PAPPA2: variants seen among roughly 807,000 people sequenced by gnomAD.
The protein encoded by PAPPA2 is pappalysin 2, also known as pappalysin-2.
In PAPPA2, 86 loss-of-function variants were observed where a neutral mutation model predicts 176.4. The ratio of observed to expected loss-of-function variants is 0.49; its 90% CI spans 0.41 to 0.58. PAPPA2 has a LOEUF of 0.58. Among genes scored for constraint, PAPPA2 ranks in the 20% least tolerant of loss-of-function variants. The pLI, the probability that PAPPA2 is intolerant of heterozygous loss-of-function variation, is 0.00. For missense variants in PAPPA2, 2,073 were observed against 2,256.9 expected, an observed-to-expected ratio of 0.92 and a Z score of 1.65; for synonymous variants, 809 against 852.2, an observed-to-expected ratio of 0.95 and a Z score of 0.88.
chr1:176,519,614 A>G (rs1362026677), intron 1 of PAPPA2, among the ~76,000 whole-genome samples: 1 of 152,154 alleles, frequency 6.6e-6, no homozygotes, highest in Admixed American at 6.5e-5. Flanking sequence ...TTATATATGC[A>G]TTGTCCCGAG....
At chr1:176,713,236 G>A (rs938787957) in intron 12 of PAPPA2, among the ~76,000 whole-genome samples, 4 of 151,194 alleles carry the variant, frequency 2.6e-5, no homozygotes, top group Admixed American at 2.6e-4. Flanking sequence ...GCTTACTATA[G>A]CCTTGAACTC....
At chr1:176,739,371 A>G (rs562325934) in intron 12 of PAPPA2, among the ~76,000 whole-genome samples, 2 of 152,304 alleles carry the variant, frequency 1.3e-5, no homozygotes, top group East Asian at 3.9e-4. Flanking sequence ...GTAAAAAAAA[A>G]CAGTTCAGGT....
At chr1:176,572,943 A>T (rs1269104910) in intron 2 of PAPPA2, among the ~76,000 whole-genome samples, 1 of 152,234 alleles carries the variant, frequency 6.6e-6, no homozygotes, top group Non-Finnish European at 1.5e-5. Context: ...GTACCTGGTA[A>T]CAGGAACCCC....
intron 3 of PAPPA2, among the ~76,000 whole-genome samples, chr1:176,653,012 C>G (rs1024251875): frequency 6.6e-6 from 1 of 151,702 alleles, no homozygotes; most frequent in South Asian, 2.1e-4. Flanking sequence ...GTGAAGCCAG[C>G]TTGCTTCTAC....
intron 3 of PAPPA2, among the ~76,000 whole-genome samples, chr1:176,601,242 A>G (rs1654303149): frequency 6.6e-6 from 1 of 152,196 alleles, no homozygotes; most frequent in Non-Finnish European, 1.5e-5. Context: ...GACCTTCACT[A>G]GATGCAGGCC....
At chr1:176,561,719 C>T (rs1362630273) in intron 2 of PAPPA2, among the ~76,000 whole-genome samples, 1 of 152,136 alleles carries the variant, frequency 6.6e-6, no homozygotes, top group East Asian at 1.9e-4. Flanking sequence ...TATGTCCACT[C>T]CCTAGAAAAA....
At chr1:176,518,119 A>T (rs904652489) in intron 1 of PAPPA2, among the ~76,000 whole-genome samples, 1 of 152,304 alleles carries the variant, frequency 6.6e-6, no homozygotes, top group Middle Eastern at 3.4e-3. Context: ...GCTTACCTAC[A>T]TATCTACCTA....
chr1:176,792,531 G>A (rs964634188), intron 19 of PAPPA2, among the ~76,000 whole-genome samples: 11 of 151,996 alleles, frequency 7.2e-5, no homozygotes, highest in South Asian at 2.1e-4. Context: ...CAATTTCTGC[G>A]TTAAAATATC....
chr1:176,612,380 C>T (rs1424881818), intron 3 of PAPPA2, among the ~76,000 whole-genome samples: 6 of 151,654 alleles, frequency 4.0e-5, no homozygotes, highest in East Asian at 1.9e-4. Context: ...GGTGACGGAG[C>T]GAGACCCTGT....
At chr1:176,658,564 G>C (rs895388538) in intron 3 of PAPPA2, among the ~76,000 whole-genome samples, 9 of 152,028 alleles carry the variant, frequency 5.9e-5, no homozygotes, top group African/African-American at 1.9e-4. Context: ...GGGGTGATCA[G>C]TGAAGGCCTC....
At chr1:176,611,592 C>A (rs1168861257) in intron 3 of PAPPA2, among the ~76,000 whole-genome samples, 2 of 152,104 alleles carry the variant, frequency 1.3e-5, no homozygotes, top group Non-Finnish European at 2.9e-5. Context: ...TTGATAAAAT[C>A]ACATTTTTTT....
chr1:176,833,030 G>C (rs549355317), intron 21 of PAPPA2, among the ~76,000 whole-genome samples: 1 of 152,320 alleles, frequency 6.6e-6, no homozygotes, highest in African/African-American at 2.4e-5. Context: ...ACATGGACCA[G>C]TGATGCATGA....
chr1:176,511,124 G>A (rs1648574872), intron 1 of PAPPA2, among the ~76,000 whole-genome samples: 1 of 151,990 alleles, frequency 6.6e-6, no homozygotes, highest in Non-Finnish European at 1.5e-5. Flanking sequence ...GTTTTGTGTT[G>A]TCTATAAAAT....
At chr1:176,598,275 T>C (rs1654092789) in intron 3 of PAPPA2, among the ~76,000 whole-genome samples, 2 of 152,136 alleles carry the variant, frequency 1.3e-5, no homozygotes, top group South Asian at 2.1e-4. Context: ...CCTGTTTTTT[T>C]TTCTGGTAGT....
intron 1 of PAPPA2, among the ~76,000 whole-genome samples, chr1:176,536,874 C>T (rs1650093186): frequency 6.6e-6 from 1 of 152,178 alleles, no homozygotes; most frequent in African/African-American, 2.4e-5. Context: ...GTAGGCTCTA[C>T]ACGGGCACTG....
At chr1:176,490,622 G>T (rs1415663488) in intron 1 of PAPPA2, among the ~76,000 whole-genome samples, 2 of 152,208 alleles carry the variant, frequency 1.3e-5, no homozygotes, top group African/African-American at 4.8e-5. Context: ...TCCCTTCAGG[G>T]ATGCAGACTC....
intron 2 of PAPPA2, among the ~76,000 whole-genome samples, chr1:176,564,054 T>C (rs1328369699): frequency 6.6e-6 from 1 of 152,216 alleles, no homozygotes; most frequent in Non-Finnish European, 1.5e-5. Flanking sequence ...TCTGTTTATA[T>C]TTCCTCGGAA....
At chr1:176,793,703 ATGAGT>A (rs1571337059) in intron 20 of PAPPA2, 34 bp downstream of exon 20, 1 of 1,496,776 alleles carries the variant, frequency 6.7e-7, no homozygotes, top group African/African-American at 1.4e-5. Context: ...TGCCAAAGAC[ATGAGT>A]CTGCTGAGCA....
chr1:176,650,925 A>T (rs1657685604), intron 3 of PAPPA2, among the ~76,000 whole-genome samples: 1 of 151,738 alleles, frequency 6.6e-6, no homozygotes, highest in South Asian at 2.1e-4. Context: ...TATAGATATA[A>T]CAAGTTATCT....
Sources: allele counts gnomAD v4.1 joint callset (sites outside exome capture counted in the v4.1 genomes callset), GRCh38; gene constraint gnomAD v4.1.1; transcripts MANE v1.5; gene names NCBI Gene and HGNC (gene_info 2026-07-23, HGNC 2026-07-21).